Variants in C11orf71 observed in about 807,000 individuals in gnomAD.
The protein encoded by C11orf71 is chromosome 11 open reading frame 71, also known as uncharacterized protein C11orf71.
For synonymous variants in C11orf71, 72 were observed against 73.4 expected, an observed-to-expected ratio of 0.98 and a Z score of 0.09; for missense variants, 179 against 167.6, an observed-to-expected ratio of 1.07 and a Z score of -0.38.
chr11:114,396,445 A>C (rs977420774), downstream of C11orf71, among the ~76,000 whole-genome samples: 3 of 152,194 alleles, frequency 2.0e-5, no homozygotes, highest in African/African-American at 7.2e-5. Flanking sequence ...GGAAACACTA[A>C]AGTATTAGTT....
intron 1 of C11orf71, among the ~76,000 whole-genome samples, chr11:114,392,332 C>A (rs149094177): frequency 6.6e-6 from 1 of 151,722 alleles, no homozygotes; most frequent in Non-Finnish European, 1.5e-5. Context: ...GAGGTTAGGA[C>A]TTCGAGACCA....
At chr11:114,392,529 CAAAAAAA>C (rs386374967) in intron 1 of C11orf71, among the ~76,000 whole-genome samples, 38 of 51,694 alleles carry the variant, frequency 7.4e-4, no homozygotes, top group African/African-American at 1.5e-3. Flanking sequence ...TAGAATGAGA[CAAAAAAA>C]AAAAAAAAAA....
In C11orf71 at chr11:114,399,858, C is replaced by T. The variant is rs1946166728; in HGVS notation, c.*102G>A. On this transcript the variant is annotated 3_prime_UTR_variant, in exon 1 of 1. Transcript: ENST00000623205. ...AACTCCCACGTATTAAATGAAAATA[C>T]ATCCATCTAAAAATAAAACAACACG... 1.4e-6 allele frequency: 2 copies of T among 1,398,236 alleles called. No individual in the cohort carries two copies. Among genetic ancestry groups the T allele is most frequent in the African/African-American group, 1.4e-5 (1 of 69,116 alleles). 86.6% of individuals were successfully genotyped at this position (1,398,236 alleles called of 1,614,324 possible).
At chr11:114,394,317 C>T (rs1229010866), downstream of C11orf71, among the ~76,000 whole-genome samples, 6 of 125,838 alleles carry the variant, frequency 4.8e-5, no homozygotes, top group East Asian at 2.3e-4. Context: ...CTTTTTGAGA[C>T]GGAGTCGCAC....
chr11:114,392,529 CAAAAAAAAA>C (rs386374967), intron 1 of C11orf71, among the ~76,000 whole-genome samples: 3 of 51,688 alleles, frequency 5.8e-5, no homozygotes, highest in Non-Finnish European at 1.0e-4. Flanking sequence ...TAGAATGAGA[CAAAAAAAAA>C]AAAAAAAAAA....
At chr11:114,394,228 C>CTTTCTTTTCTTTTTTTCTTTTCT (rs1946102793), downstream of C11orf71, among the ~76,000 whole-genome samples, 3 of 48,700 alleles carry the variant, frequency 6.2e-5, no homozygotes, top group Admixed American at 8.0e-4. Flanking sequence ...CTTTTCTTTT[C>CTTTCTTTTCTTTTTTTCTTTTCT]TTTCTTTTCT....
Position 114,399,990 on chromosome 11 carries a change from TC to T in C11orf71, c.341del (p.Gly114GlufsTer23), listed in dbSNP as rs756235145. 4.3e-5 allele frequency: 69 copies of T among 1,611,648 alleles called. No homozygotes were observed. The highest frequency in any genetic ancestry group is 5.7e-5 in the Non-Finnish European group (67 of 1,177,982). ...SVLQQRLIAL[G>X]GVIAARISV ...CTGAAATTCGAGCTGCGATAACACC[TC>T]CTAATGCAATCAAACGCTGTTGCAG... is the stretch of plus-strand genomic sequence containing the variant. On this transcript the variant is annotated frameshift_variant, in exon 1 of 1. Coordinates refer to ENST00000623205, the MANE Select transcript of C11orf71 (RefSeq NM_001271562.2). LOFTEE classifies it low-confidence loss of function (END_TRUNC).
chr11:114,394,299 TTTC>T (rs1946112977), downstream of C11orf71, among the ~76,000 whole-genome samples: 1 of 120,616 alleles, frequency 8.3e-6, no homozygotes, highest in Non-Finnish European at 1.7e-5. Flanking sequence ...CTTATTTTCT[TTTC>T]TTTTCTTTTT....
rs181995153 is a variant in C11orf71, at chr11:114,400,325, G to A, written c.7C>T (p.Leu3=). 2.2e-5 allele frequency: 35 copies of A among 1,604,460 alleles called. No homozygotes were observed. The African/African-American group carries it at 4.4e-4, about 20-fold the overall frequency. MA[L]NNVSLSSGDQ... ...CCGGAGGACAGGGACACATTGTTCA[G>A]GGCCATATTCAAACACTGCCCGCAG... The change falls in exon 1 of 1, where the codon CTG becomes TTG. Residue 3 remains leucine, a synonymous_variant. Transcript: ENST00000623205.
chr11:114,391,654 T>C (rs749043871), exon 2 of C11orf71: 154 of 1,466,780 alleles, frequency 1.0e-4, no homozygotes, highest in Non-Finnish European at 1.3e-4. Flanking sequence ...AGCTTCAGGG[T>C]CCAGGTAGTA....
downstream of C11orf71, among the ~76,000 whole-genome samples, chr11:114,396,403 T>C (rs1946131529): frequency 6.6e-6 from 1 of 152,234 alleles, no homozygotes; most frequent in Non-Finnish European, 1.5e-5. Flanking sequence ...GTATCTTGTA[T>C]TTCTAGTGAA....
At chr11:114,391,631 T>C in exon 2 of C11orf71, 1 of 1,536,382 alleles carries the variant, frequency 6.5e-7, no homozygotes, top group Non-Finnish European at 8.8e-7. Flanking sequence ...AATCAGGGGT[T>C]GCAGACTCAG....
Position 114,400,175 on chromosome 11 carries a change from G to A in C11orf71, c.157C>T (p.Pro53Ser). Residue 53 changes from proline (P) to serine (S), a missense_variant, in exon 1 of 1, where the codon CCT becomes TCT. Transcript: ENST00000623205. The stretch of plus-strand genomic sequence containing the variant: ...ACGCTTGGTCGCACCGCCTGCCGAG[G>A]TCCTAGATGAATCGCTTCAGGCCTG... ...VSRPEAIHLG[P>S]RQAVRPSVRA... 6.2e-7 allele frequency: 1 copy of A among 1,613,808 alleles called. No individual in the cohort carries two copies. The highest frequency in any genetic ancestry group is 1.1e-5 in the South Asian group (1 of 91,076).
intron 1 of C11orf71, among the ~76,000 whole-genome samples, chr11:114,391,910 GTTT>G (rs34102225): frequency 7.0e-6 from 1 of 143,092 alleles, no homozygotes. Flanking sequence ...AGTTAAAGCT[GTTT>G]TTTTTTTTTT....
In C11orf71 at chr11:114,400,091, G is replaced by A. The variant is rs1946171714; in HGVS notation, c.241C>T (p.Arg81Trp). The change falls in exon 1 of 1, where the codon CGG becomes TGG. Residue 81 changes from arginine to tryptophan, a missense_variant. By Grantham distance (101) the Arg-to-Trp change is moderately radical. Transcript: ENST00000623205. ...GGRSPREPDG[R>W]GRSRQARFSP... ...AATCTGGCTTGGCGGCTCCGGCCCCGGCCATCTGGTTCCCTTGGGCTCCGG... is the reference window on the plus strand; with the variant it reads ...AATCTGGCTTGGCGGCTCCGGCCCCAGCCATCTGGTTCCCTTGGGCTCCGG... 6.2e-7 allele frequency: 1 copy of A among 1,613,794 alleles called. No individual in the cohort carries two copies.
At chr11:114,395,695 C>T (rs1946126400), downstream of C11orf71, among the ~76,000 whole-genome samples, 1 of 152,200 alleles carries the variant, frequency 6.6e-6, no homozygotes, top group Non-Finnish European at 1.5e-5. Flanking sequence ...CACCTGTATT[C>T]ATCAGTGGAT....
intron 1 of C11orf71, chr11:114,391,786 T>C: frequency 2.1e-6 from 1 of 486,814 alleles, no homozygotes; most frequent in Non-Finnish European, 3.8e-6. Context: ...CAAAATTCAG[T>C]GGGGACAATA....
chr11:114,400,205 C>A lies in C11orf71; in HGVS notation c.127G>T (p.Val43Phe), dbSNP rs773177096. 4 of 1,613,242 alleles carry A rather than the reference C, an allele frequency of 2.5e-6. No homozygotes were observed. Among genetic ancestry groups the A allele is most frequent in the Non-Finnish European group, 2.5e-6 (3 of 1,179,632 alleles). ...LAMVSGDGFL[V>F]SRPEAIHLGP... ...AGATGAATCGCTTCAGGCCTGGAAA[C>A]GAGGAAGCCGTCTCCGGAGACCATC... Residue 43 changes from valine (V) to phenylalanine (F), a missense_variant, in exon 1 of 1, where the codon GTT becomes TTT. Val to Phe is a conservative substitution (Grantham distance 50). Coordinates refer to ENST00000623205, the MANE Select transcript of C11orf71 (RefSeq NM_001271562.2).
chr11:114,391,485 G>T, exon 2 of C11orf71: 1 of 770,140 alleles, frequency 1.3e-6, no homozygotes, highest in Non-Finnish European at 1.9e-6. Flanking sequence ...CATTCATATA[G>T]GTAAGATCAT....
Sources: allele counts gnomAD v4.1 joint callset (sites outside exome capture counted in the v4.1 genomes callset), GRCh38; gene constraint gnomAD v4.1.1; transcripts MANE v1.5; gene names NCBI Gene and HGNC (gene_info 2026-07-23, HGNC 2026-07-21).